The following SNTG1 variants were observed in gnomAD, a reference collection of about 807,000 sequenced individuals.
The protein encoded by SNTG1 is syntrophin gamma 1, also known as gamma-1-syntrophin.
SNTG1 carries 39 observed loss-of-function variants against 74.7 expected under a neutral mutation model. The ratio of observed to expected loss-of-function variants is 0.52; its 90% CI spans 0.40 to 0.68. SNTG1 has a LOEUF of 0.68. SNTG1 is among the 30% of genes least tolerant of loss of function. The pLI, the probability that SNTG1 is intolerant of heterozygous loss-of-function variation, is 0.00. For missense variants in SNTG1, 685 were observed against 609.5 expected, an observed-to-expected ratio of 1.12 and a Z score of -1.30; for synonymous variants, 254 against 217.1, an observed-to-expected ratio of 1.17 and a Z score of -1.49.
chr8:50,319,365 A>AAAAT (rs71233483), intron 2 of SNTG1, among the ~76,000 whole-genome samples: 70,920 of 150,758 alleles, frequency 0.47, 19,049 homozygotes, highest in East Asian at 0.83. Flanking sequence ...CTCCTTCTCA[A>AAAAT]AAATAAATAA....
chr8:50,578,912 G>A (rs1217358404), intron 12 of SNTG1, among the ~76,000 whole-genome samples: 1 of 152,142 alleles, frequency 6.6e-6, no homozygotes, highest in Admixed American at 6.6e-5. Context: ...TCAGGAGTGG[G>A]GTGTGGCTAT....
At chr8:50,115,575 A>AAAAAAAAAAAAAACAAAAAAAAC (rs1563617637) in intron 1 of SNTG1, among the ~76,000 whole-genome samples, 1 of 144,776 alleles carries the variant, frequency 6.9e-6, no homozygotes, top group East Asian at 2.2e-4. Flanking sequence ...CTCAAAAAAA[A>AAAAAAAAAAAAAACAAAAAAAAC]AAAAAAAAAA....
intron 16 of SNTG1, chr8:50,708,646 A>G (rs1051697327): frequency 1.6e-4 from 79 of 484,208 alleles, no homozygotes; most frequent in African/African-American, 1.4e-3. Flanking sequence ...ACAAAACTAG[A>G]GGGAGCAGGA....
At chr8:50,256,208 C>T (rs1411187831) in intron 2 of SNTG1, among the ~76,000 whole-genome samples, 1 of 144,610 alleles carries the variant, frequency 6.9e-6, no homozygotes, top group East Asian at 2.1e-4. Flanking sequence ...ATAAAAAAAA[C>T]AGCAGCCAAG....
rs142433319 is a variant in SNTG1 at position 50,594,273 on chromosome 8, T to C, written c.849+3356T>C. ...TATAATTTATTATGTGTGTCATTTTTACTCATTTTTAACTGAAATTTCTTC... is the reference window on the plus strand; with the variant it reads ...TATAATTTATTATGTGTGTCATTTTCACTCATTTTTAACTGAAATTTCTTC... On this transcript the variant is annotated intron_variant, in intron 13 of 18. Transcript: ENST00000642720. 1.4e-3 allele frequency among the ~76,000 whole-genome samples: 213 copies of C among 152,312 alleles called. 1 individual carries two copies. The highest frequency in any genetic ancestry group is 4.8e-3 in the African/African-American group (198 of 41,568).
chr8:50,782,225 G>C (rs1474278333), intron 18 of SNTG1, among the ~76,000 whole-genome samples: 1 of 152,076 alleles, frequency 6.6e-6, no homozygotes, highest in Non-Finnish European at 1.5e-5. Context: ...GGTGTTCTCT[G>C]TATTTCCTGA....
At chr8:50,632,427 C>G (rs2095007103) in intron 13 of SNTG1, among the ~76,000 whole-genome samples, 1 of 151,970 alleles carries the variant, frequency 6.6e-6, no homozygotes, top group Non-Finnish European at 1.5e-5. Flanking sequence ...CCGTATGTCT[C>G]AGAATCCTGA....
intron 2 of SNTG1, among the ~76,000 whole-genome samples, chr8:50,313,461 A>G (rs2130767302): frequency 6.7e-6 from 1 of 149,898 alleles, no homozygotes; most frequent in South Asian, 2.2e-4. Context: ...TCAACTCCAT[A>G]GCAGGAAAAC....
chr8:50,760,845 G>T (rs2095596603), intron 18 of SNTG1, among the ~76,000 whole-genome samples: 1 of 151,854 alleles, frequency 6.6e-6, no homozygotes, highest in Non-Finnish European at 1.5e-5. Flanking sequence ...TCCTTGAATA[G>T]ACCAATAACA....
intron 15 of SNTG1, among the ~76,000 whole-genome samples, chr8:50,683,877 G>C (rs1243036880): frequency 6.6e-6 from 1 of 152,098 alleles, no homozygotes; most frequent in African/African-American, 2.4e-5. Context: ...TTGTCCTCAA[G>C]GATATAAAAG....
intron 8 of SNTG1, among the ~76,000 whole-genome samples, chr8:50,464,975 T>C (rs960566901): frequency 7.4e-5 from 11 of 148,550 alleles, no homozygotes; most frequent in Middle Eastern, 3.6e-3. Context: ...AATGCTCTGA[T>C]AGACTTTCTC....
chr8:50,103,256 T>G (rs536162400), intron 1 of SNTG1, among the ~76,000 whole-genome samples: 1 of 152,232 alleles, frequency 6.6e-6, no homozygotes, highest in Non-Finnish European at 1.5e-5. Context: ...TTTGTAGTTC[T>G]TCTTGAAGAG....
At chr8:50,192,486 C>T (rs953759045) in intron 2 of SNTG1, among the ~76,000 whole-genome samples, 5 of 151,998 alleles carry the variant, frequency 3.3e-5, no homozygotes, top group South Asian at 4.1e-4. Context: ...ATATCCTTAG[C>T]CCACATTTTG....
intron 8 of SNTG1, among the ~76,000 whole-genome samples, chr8:50,479,190 A>C (rs1466019357): frequency 1.3e-5 from 2 of 152,192 alleles, no homozygotes; most frequent in African/African-American, 2.4e-5. Context: ...CATTTGAAGA[A>C]AGTAGTTTGG....
At position 50,743,649 on chromosome 8, in the gene SNTG1, GA is replaced by G. The variant is rs200532227; in HGVS notation, c.1285-8341del. On this transcript the variant is annotated intron_variant, in intron 17 of 18. Transcript: ENST00000642720. ...AGTTTTAGCCAGAGCTATTAGGCAA[GA>G]AAAAAAAAAAGCCAAAGAAAATTGA... Among the ~76,000 whole-genome samples the G allele has an allele frequency of 5.2e-3, 669 of 128,722 alleles. 15 individuals carry two copies. In the East Asian group the frequency reaches 0.093, roughly 18 times the overall value. 84.4% of individuals were successfully genotyped at this position (128,722 alleles called of 152,430 possible). A position where few individuals can be genotyped will look rare whatever the true frequency, so the allele number is the denominator to read the frequency against.
At chr8:50,667,182 G>T (rs1047986133) in intron 15 of SNTG1, among the ~76,000 whole-genome samples, 2 of 152,056 alleles carry the variant, frequency 1.3e-5, no homozygotes, top group African/African-American at 4.8e-5. Context: ...AGGTTTGGGA[G>T]AGACCAAAAT....
intron 1 of SNTG1, among the ~76,000 whole-genome samples, chr8:49,970,475 T>G (rs1204758265): frequency 6.6e-6 from 1 of 152,226 alleles, no homozygotes; most frequent in African/African-American, 2.4e-5. Context: ...TTCCAGGGAC[T>G]AATGCAGTTG....
chr8:50,384,905 T>C lies in SNTG1; in HGVS notation c.-27-9307T>C, dbSNP rs376841299. On this transcript the variant is annotated intron_variant, in intron 2 of 18. Transcript: ENST00000642720. ...TTTTATGGCTTGGTCTATTGGATGA[T>C]ACCCAGTTCATGATGAACATCTCAG... Among the ~76,000 whole-genome samples the C allele has an allele frequency of 6.6e-5, 10 of 152,274 alleles. No homozygotes were observed. In the South Asian group the frequency reaches 1.7e-3, roughly 25 times the overall value.
At chr8:50,188,615 T>A (rs2083463699) in intron 2 of SNTG1, among the ~76,000 whole-genome samples, 1 of 152,092 alleles carries the variant, frequency 6.6e-6, no homozygotes, top group Non-Finnish European at 1.5e-5. Flanking sequence ...CCTCTTCATG[T>A]AACTTTCCTA....
Sources: allele counts gnomAD v4.1 joint callset (sites outside exome capture counted in the v4.1 genomes callset), GRCh38; gene constraint gnomAD v4.1.1; transcripts MANE v1.5; gene names NCBI Gene and HGNC (gene_info 2026-07-23, HGNC 2026-07-21).